Variants in ARFGEF3 observed in about 807,000 individuals in gnomAD.
The protein encoded by ARFGEF3 is ARFGEF family member 3, also known as brefeldin A-inhibited guanine nucleotide-exchange protein 3.
ARFGEF3 carries 96 observed loss-of-function variants against 221.7 expected under a neutral mutation model. The observed-to-expected ratio is 0.43, with a 90% CI of 0.37 to 0.51. The LOEUF is 0.51. ARFGEF3 is among the 20% of genes least tolerant of loss of function. The pLI is 0.00. For synonymous variants in ARFGEF3, 1,145 were observed against 1,126.8 expected, an observed-to-expected ratio of 1.02 and a Z score of -0.32; for missense variants, 2,410 against 2,789.9, an observed-to-expected ratio of 0.86 and a Z score of 3.07.
Position 138,262,916 on chromosome 6 carries a change from A to T in ARFGEF3, c.1433A>T (p.Asp478Val). The T allele has an allele frequency of 6.2e-7, 1 of 1,611,076 alleles. No individual in the cohort carries two copies. ...GATTCCATGGAGATCAATGAGGCTG[A>T]CTTCCGCTGGCAGCGGCGAGTGCTG... Reference protein sequence around the residue: ...SRDSMEINEADFRWQRRVLSS... With the variant: ...SRDSMEINEAVFRWQRRVLSS... Residue 478 changes from aspartate to valine, a missense_variant, in exon 12 of 34, where the codon GAC (aspartate) becomes GTC (valine). Around this residue, in one of 5 missense-constraint regions of ARFGEF3, gnomAD observed 594 missense variants for 734.3 expected, o/e 0.81. Coordinates refer to ENST00000251691, the MANE Select transcript of ARFGEF3 (RefSeq NM_020340.5).
At chr6:138,205,306 ATGCTTGTTCCC>A (rs1452383202) in intron 2 of ARFGEF3, among the ~76,000 whole-genome samples, 1 of 152,126 alleles carries the variant, frequency 6.6e-6, no homozygotes, top group Non-Finnish European at 1.5e-5. Flanking sequence ...TTGGACCCCC[ATGCTTGTTCCC>A]TGCTATTATG....
intron 6 of ARFGEF3, among the ~76,000 whole-genome samples, chr6:138,240,150 G>T (rs1318090638): frequency 6.6e-6 from 1 of 151,990 alleles, no homozygotes; most frequent in Non-Finnish European, 1.5e-5. Flanking sequence ...TTTATTTATA[G>T]TAGGATTTTG....
At chr6:138,318,146 A>G (rs1158605582) in intron 27 of ARFGEF3, among the ~76,000 whole-genome samples, 1 of 152,198 alleles carries the variant, frequency 6.6e-6, no homozygotes, top group Non-Finnish European at 1.5e-5. Flanking sequence ...AGCAAAGTTT[A>G]TATTATTTTT....
intron 31 of ARFGEF3, among the ~76,000 whole-genome samples, chr6:138,327,222 A>C (rs1780141257): frequency 6.6e-6 from 1 of 152,194 alleles, no homozygotes; most frequent in Non-Finnish European, 1.5e-5. Context: ...TACCTATGTA[A>C]GAAACCTGTA....
intron 20 of ARFGEF3, 54 bp from the exon 21 acceptor site, chr6:138,296,756 C>A (rs1725552384): frequency 6.3e-7 from 1 of 1,591,684 alleles, no homozygotes; most frequent in Admixed American, 1.7e-5. Context: ...TTGAATAGGT[C>A]AGACTATGTC....
At chr6:138,165,277 G>A (rs932037871) in intron 1 of ARFGEF3, among the ~76,000 whole-genome samples, 10 of 151,468 alleles carry the variant, frequency 6.6e-5, no homozygotes, top group African/African-American at 2.4e-4. Context: ...TCATGGGAGA[G>A]AGATCATCCT....
chr6:138,252,412 T>G (rs182117666), intron 8 of ARFGEF3, among the ~76,000 whole-genome samples: 280 of 152,348 alleles, frequency 1.8e-3, no homozygotes, highest in Non-Finnish European at 3.1e-3. Context: ...ACATAAATAC[T>G]AATATCAATG....
intron 4 of ARFGEF3, among the ~76,000 whole-genome samples, chr6:138,227,987 A>G (rs538204638): frequency 2.5e-4 from 38 of 152,296 alleles, no homozygotes; most frequent in Admixed American, 2.1e-3. Flanking sequence ...GGCCTGGAAG[A>G]CATAGCCTCC....
At position 138,291,103 on chromosome 6, in the gene ARFGEF3, G is replaced by T. The variant is rs554513525; in HGVS notation, c.3048-630G>T. ...GCGAACCATCTTCGTCCCAGGTTCT[G>T]TTGGGAACAAACCATTTAGGAGTTG... On this transcript the variant is annotated intron_variant, in intron 18 of 33. Transcript: ENST00000251691. The surrounding 1 kb of genome is among the most constrained non-coding windows in gnomAD (Gnocchi z 4.5). Among the ~76,000 whole-genome samples, 1 of 152,246 alleles carries T rather than the reference G, an allele frequency of 6.6e-6. No individual in the cohort carries two copies. Among genetic ancestry groups the T allele is most frequent in the Non-Finnish European group, 1.5e-5 (1 of 68,018 alleles).
At chr6:138,274,354 A>G (rs963832106) in intron 12 of ARFGEF3, among the ~76,000 whole-genome samples, 2 of 152,142 alleles carry the variant, frequency 1.3e-5, no homozygotes, top group African/African-American at 4.8e-5. Flanking sequence ...CTTGTGCCCT[A>G]TGTCTCCTCC....
At chr6:138,248,953 C>A (rs1387368649) in intron 8 of ARFGEF3, among the ~76,000 whole-genome samples, 1 of 152,178 alleles carries the variant, frequency 6.6e-6, no homozygotes, top group African/African-American at 2.4e-5. Context: ...TAGAGTAGGT[C>A]CAGTGAATGC....
intron 2 of ARFGEF3, among the ~76,000 whole-genome samples, chr6:138,184,840 G>A (rs373194501): frequency 2.0e-5 from 3 of 152,280 alleles, no homozygotes; most frequent in African/African-American, 7.2e-5. Context: ...TGGGTGGGAC[G>A]GAGGACATCA....
chr6:138,182,947 TG>T (rs1207998760), intron 2 of ARFGEF3, among the ~76,000 whole-genome samples: 1 of 152,202 alleles, frequency 6.6e-6, no homozygotes, highest in Non-Finnish European at 1.5e-5. Flanking sequence ...TGTAAAATAA[TG>T]GGTTTTTTTT....
At chr6:138,324,270 C>T (rs376755648) in intron 31 of ARFGEF3, 116 bp downstream of exon 31, 1 of 1,197,130 alleles carries the variant, frequency 8.4e-7, no homozygotes, top group Non-Finnish European at 1.2e-6. Context: ...GGGACATACA[C>T]CTTGTAGCTC....
At chr6:138,202,201 T>C (rs976849019) in intron 2 of ARFGEF3, among the ~76,000 whole-genome samples, 2 of 152,216 alleles carry the variant, frequency 1.3e-5, no homozygotes, top group African/African-American at 4.8e-5. Context: ...TGTTGGTTTT[T>C]GCTATGCCCT....
intron 5 of ARFGEF3, among the ~76,000 whole-genome samples, chr6:138,232,664 A>T (rs1442427079): frequency 6.6e-6 from 1 of 152,208 alleles, no homozygotes; most frequent in Admixed American, 6.5e-5. Flanking sequence ...ATTTCAGGGC[A>T]TGAAAAACAC....
At chr6:138,292,087 C>T (rs924279026) in intron 19 of ARFGEF3, 34 bp downstream of exon 19, 3 of 1,373,994 alleles carry the variant, frequency 2.2e-6, no homozygotes, top group African/African-American at 1.5e-5. Context: ...CCCCGGGAGC[C>T]TGCTTACCAG....
intron 2 of ARFGEF3, among the ~76,000 whole-genome samples, chr6:138,193,256 A>G (rs978900172): frequency 1.3e-5 from 2 of 152,186 alleles, no homozygotes; most frequent in Admixed American, 6.5e-5. Flanking sequence ...ACCAAGTTCC[A>G]TTGTCTCCTG....
At chr6:138,188,200 A>C (rs1777227083) in intron 2 of ARFGEF3, among the ~76,000 whole-genome samples, 4 of 152,134 alleles carry the variant, frequency 2.6e-5, no homozygotes, top group African/African-American at 9.7e-5. Context: ...ATCTGGATGC[A>C]GGGCATTTAC....
Sources: gnomAD v4.1 joint callset for allele counts (sites outside exome capture counted in the v4.1 genomes callset) on GRCh38, gnomAD v4.1.1 for gene constraint, gnomAD v4.1.1 regional missense constraint, Gnocchi (gnomAD v3.1) non-coding constraint, MANE v1.5 for transcripts, NCBI Gene and HGNC (gene_info 2026-07-23, HGNC 2026-07-21) for gene names.